ITPR1: variants seen among roughly 807,000 people sequenced by gnomAD.
ITPR1 encodes the protein inositol 1,4,5-trisphosphate-gated calcium channel ITPR1.
A neutral mutation model predicts 318.4 loss-of-function variants in ITPR1; 96 were observed. The observed-to-expected ratio is 0.30, with a 90% CI of 0.26 to 0.36. ITPR1 has a LOEUF of 0.36. ITPR1 is among the 10% of genes least tolerant of loss of function. ITPR1 has a pLI of 1.00. For missense variants in ITPR1, 2,440 were observed against 3,460.2 expected, an observed-to-expected ratio of 0.71 and a Z score of 7.40; for synonymous variants, 1,312 against 1,289.9, an observed-to-expected ratio of 1.02 and a Z score of -0.37.
intron 36 of ITPR1, 100 bp from the exon 37 acceptor site, chr3:4,706,067 G>A: frequency 8.0e-7 from 1 of 1,242,862 alleles, no homozygotes; most frequent in Non-Finnish European, 1.1e-6. Context: ...CCCATTCTGG[G>A]TGTGAAAAAC....
intron 4 of ITPR1, among the ~76,000 whole-genome samples, chr3:4,574,925 T>A (rs1486254689): frequency 6.6e-6 from 1 of 152,224 alleles, no homozygotes; most frequent in East Asian, 1.9e-4. Context: ...TTGCAAGAGA[T>A]TCAAAGATGA....
intron 4 of ITPR1, among the ~76,000 whole-genome samples, chr3:4,615,623 G>A (rs535724750): frequency 7.2e-5 from 11 of 152,010 alleles, no homozygotes; most frequent in Non-Finnish European, 1.2e-4. Context: ...TGATCCACTC[G>A]CCTTGGCCTC....
At chr3:4,500,119 G>T (rs2080910443) in intron 2 of ITPR1, among the ~76,000 whole-genome samples, 1 of 152,196 alleles carries the variant, frequency 6.6e-6, no homozygotes, top group African/African-American at 2.4e-5. Flanking sequence ...GATGTTCCAG[G>T]CTCATCTTCT....
chr3:4,604,012 A>T (rs1559520802), intron 4 of ITPR1, among the ~76,000 whole-genome samples: 1 of 152,108 alleles, frequency 6.6e-6, no homozygotes, highest in Non-Finnish European at 1.5e-5. Flanking sequence ...AAATTTTTTA[A>T]TAGCTATTCT....
At chr3:4,552,755 G>A (rs1225086627) in intron 4 of ITPR1, among the ~76,000 whole-genome samples, 4 of 152,158 alleles carry the variant, frequency 2.6e-5, no homozygotes, top group African/African-American at 9.7e-5. Flanking sequence ...GCTGAAAGCT[G>A]GACCCTCTAA....
chr3:4,694,923 G>A lies in ITPR1; in HGVS notation c.4281+1182G>A, dbSNP rs2094534345. Among the ~76,000 whole-genome samples, 3 of 152,122 alleles carry A rather than the reference G, an allele frequency of 2.0e-5. No homozygotes were observed. In the South Asian group the frequency reaches 6.2e-4, roughly 32 times the overall value. ...TATTATGTTCTTGTGTATTTTTCTAGAATTTTGCACATAAACGCATACAGT... is the reference window on the plus strand; with the variant it reads ...TATTATGTTCTTGTGTATTTTTCTAAAATTTTGCACATAAACGCATACAGT... On this transcript the variant is annotated intron_variant, in intron 33 of 61. Transcript: ENST00000649015.
At chr3:4,618,161 G>A (rs1047890445) in intron 4 of ITPR1, among the ~76,000 whole-genome samples, 1 of 152,112 alleles carries the variant, frequency 6.6e-6, no homozygotes, top group Non-Finnish European at 1.5e-5. Flanking sequence ...CATTGTGACT[G>A]TAGTAAATGC....
In ITPR1 at chr3:4,695,417, G is replaced by A. The variant is rs571570411; in HGVS notation, c.4281+1676G>A. Among the ~76,000 whole-genome samples, 4 of 151,734 alleles carry A rather than the reference G, an allele frequency of 2.6e-5. No homozygotes were observed. In the South Asian group the frequency reaches 8.4e-4, roughly 32 times the overall value. On this transcript the variant is annotated intron_variant, in intron 33 of 61. Coordinates refer to ENST00000649015, the MANE Select transcript of ITPR1 (RefSeq NM_001378452.1). ...TACTCTTTTTTATTTGAAATACAAC[G>A]GAAGTGCAAAAAAGTACATAAACTC...
chr3:4,703,375 C>A (rs183425292), intron 36 of ITPR1, among the ~76,000 whole-genome samples: 76 of 152,318 alleles, frequency 5.0e-4, no homozygotes, highest in African/African-American at 1.6e-3. Context: ...AAATGGTGCA[C>A]TGCTCCCTTC....
At chr3:4,619,285 G>T (rs1442780999) in intron 4 of ITPR1, among the ~76,000 whole-genome samples, 2 of 152,036 alleles carry the variant, frequency 1.3e-5, no homozygotes, top group Non-Finnish European at 2.9e-5. Context: ...TTTCAACCTG[G>T]GGAGTCATCT....
rs73003023 is a variant in ITPR1 at position 4,779,920 on chromosome 3, A to G, written c.6387+275A>G. On this transcript the variant is annotated intron_variant, in intron 49 of 61. Transcript: ENST00000649015. The surrounding 1 kb of genome is among the most constrained non-coding windows in gnomAD (Gnocchi z 4.0). ...AAAAACCGCGATTACTTTTGCACCA[A>G]CCTATATGACATTGAATACGTGCTG... Among the ~76,000 whole-genome samples, 14,487 of 150,542 alleles carry G rather than the reference A, an allele frequency of 0.096. 875 individuals carry two copies. The highest frequency in any genetic ancestry group is 0.15 in the Non-Finnish European group (9,800 of 67,486).
intron 46 of ITPR1, among the ~76,000 whole-genome samples, chr3:4,772,856 C>G (rs137956725): frequency 6.6e-6 from 1 of 152,330 alleles, no homozygotes; most frequent in Non-Finnish European, 1.5e-5. Context: ...TCCAGACACT[C>G]TGAAAGCCAT....
At chr3:4,607,653 G>T (rs923636725) in intron 4 of ITPR1, among the ~76,000 whole-genome samples, 1 of 152,080 alleles carries the variant, frequency 6.6e-6, no homozygotes, top group South Asian at 2.1e-4. Flanking sequence ...AGGTGGGGGT[G>T]GCAGGCAATG....
At chr3:4,524,256 A>C (rs573888839) in intron 4 of ITPR1, among the ~76,000 whole-genome samples, 1 of 147,150 alleles carries the variant, frequency 6.8e-6, no homozygotes, top group Non-Finnish European at 1.5e-5. Flanking sequence ...AGTTTTAAAA[A>C]ATTTTCCAAA....
rs1010752456 is a variant in ITPR1, at chr3:4,532,035, A to G, written c.163+10941A>G. ...GAGGATTAAATGAGTTAATCTGTGT[A>G]AAGCACTTACGGGACTACCTGGTCC... is the stretch of plus-strand genomic sequence containing the variant. On this transcript the variant is annotated intron_variant, in intron 4 of 61. Coordinates refer to ENST00000649015, the MANE Select transcript of ITPR1 (RefSeq NM_001378452.1). Among the ~76,000 whole-genome samples the G allele has an allele frequency of 7.9e-5, 12 of 152,352 alleles. 1 individual carries two copies. The highest frequency in any genetic ancestry group is 1.7e-4 in the African/African-American group (7 of 41,590).
At chr3:4,552,469 A>C (rs984211369) in intron 4 of ITPR1, among the ~76,000 whole-genome samples, 2 of 152,182 alleles carry the variant, frequency 1.3e-5, no homozygotes, top group African/African-American at 2.4e-5. Flanking sequence ...GGATATTACA[A>C]AGGATACAGA....
rs555819278 is a variant in ITPR1 at position 4,693,687 on chromosome 3, G to A, written c.4227G>A (p.Leu1409=). ...ACACAGAGATCAAGTGCAACTCCCTGCTCCCGCTGGATGACATCGTTCGCG... is the reference window on the plus strand; with the variant it reads ...ACACAGAGATCAAGTGCAACTCCCTACTCCCGCTGGATGACATCGTTCGCG... ...NVYTEIKCNS[L]LPLDDIVRVV... is the part of the protein sequence containing the mutation. The change falls in exon 33 of 62, where the codon CTG becomes CTA. Residue 1409 remains leucine, a synonymous_variant. Transcript: ENST00000649015. 6.2e-7 allele frequency: 1 copy of A among 1,613,950 alleles called. No individual in the cohort carries two copies. The highest frequency in any genetic ancestry group is 1.1e-5 in the South Asian group (1 of 91,084).
At chr3:4,733,539 T>C (rs558085008) in intron 43 of ITPR1, among the ~76,000 whole-genome samples, 6 of 152,308 alleles carry the variant, frequency 3.9e-5, no homozygotes, top group Non-Finnish European at 8.8e-5. Context: ...TTAGGACTCT[T>C]GTCTTTCCGT....
chr3:4,540,657 G>T (rs895973164), intron 4 of ITPR1, among the ~76,000 whole-genome samples: 1 of 151,986 alleles, frequency 6.6e-6, no homozygotes, highest in Non-Finnish European at 1.5e-5. Context: ...GCTTGATCTC[G>T]GCTTGCTGTA....
Sources: allele counts gnomAD v4.1 joint callset (sites outside exome capture counted in the v4.1 genomes callset), GRCh38; gene constraint gnomAD v4.1.1; non-coding constraint Gnocchi (gnomAD v3.1); transcripts MANE v1.5; gene names NCBI Gene and HGNC (gene_info 2026-07-23, HGNC 2026-07-21).